The following DPP8 variants were observed in gnomAD, a reference collection of about 807,000 sequenced individuals.
DPP8 encodes the protein DPP VIII.
DPP8 carries 31 observed loss-of-function variants against 107.5 expected under a neutral mutation model. That is an observed-to-expected ratio of 0.29 (90% CI 0.22 to 0.39). The LOEUF is 0.39. Among genes scored for constraint, DPP8 ranks in the 10% least tolerant of loss-of-function variants. DPP8 has a pLI of 1.00. For missense variants in DPP8, 842 were observed against 1,076.1 expected, an observed-to-expected ratio of 0.78 and a Z score of 3.04; for synonymous variants, 381 against 356.6, an observed-to-expected ratio of 1.07 and a Z score of -0.77.
chr15:65,517,447 C>G (rs1464502174), intron 1 of DPP8, 39 bp downstream of exon 1: 1 of 152,578 alleles, frequency 6.6e-6, no homozygotes, highest in African/African-American at 2.4e-5. Flanking sequence ...GCCCAGGCCT[C>G]GCCGGCGCAG....
intron 16 of DPP8, chr15:65,455,905 G>C: frequency 8.4e-7 from 1 of 1,192,852 alleles, no homozygotes; most frequent in Admixed American, 2.4e-5. Flanking sequence ...TCTTCACAGA[G>C]GACAGAACAA....
chr15:65,515,169 A>T (rs2092636243), intron 1 of DPP8, among the ~76,000 whole-genome samples: 1 of 152,070 alleles, frequency 6.6e-6, no homozygotes, highest in Non-Finnish European at 1.5e-5. Flanking sequence ...TTTTGTAGAG[A>T]TGGGGGTCTC....
intron 4 of DPP8, 33 bp from the exon 5 acceptor site, chr15:65,498,065 T>C (rs1487738368): frequency 2.0e-6 from 3 of 1,506,794 alleles, no homozygotes; most frequent in Non-Finnish European, 2.7e-6. Context: ...AAGGTAAGTA[T>C]TAGGCTGACA....
intron 17 of DPP8, among the ~76,000 whole-genome samples, chr15:65,452,924 A>G (rs895384184): frequency 2.0e-5 from 3 of 151,904 alleles, no homozygotes; most frequent in Non-Finnish European, 4.4e-5. Context: ...GTGAGCCGAG[A>G]TCGCACACTG....
At position 65,476,341 on chromosome 15, in the gene DPP8, CAT is replaced by C. The variant is rs748645521; in HGVS notation, c.1457-2055_1457-2054del. On this transcript the variant is annotated intron_variant, in intron 11 of 19. Transcript: ENST00000300141. ...AAAATAAAATTTAATTTTTTTAAAA[CAT>C]AAAATTATATGTTAACATATAGATA... Among the ~76,000 whole-genome samples, 293 of 151,868 alleles carry C rather than the reference CAT, an allele frequency of 1.9e-3. 3 individuals carry two copies. The highest frequency in any genetic ancestry group is 3.5e-4 in the Non-Finnish European group (24 of 67,936).
chr15:65,478,524 T>C (rs2066612076), intron 11 of DPP8, among the ~76,000 whole-genome samples: 1 of 152,236 alleles, frequency 6.6e-6, no homozygotes, highest in Admixed American at 6.5e-5. Flanking sequence ...CCTCCCAAAG[T>C]GCTGGGATTA....
At chr15:65,468,152 GCTTT>G (rs1242463880) in intron 12 of DPP8, among the ~76,000 whole-genome samples, 8 of 151,994 alleles carry the variant, frequency 5.3e-5, no homozygotes, top group Non-Finnish European at 8.8e-5. Flanking sequence ...CAAATAAATG[GCTTT>G]CTTTTATTGT....
intron 2 of DPP8, among the ~76,000 whole-genome samples, chr15:65,507,674 A>G (rs996794063): frequency 6.6e-6 from 1 of 151,900 alleles, no homozygotes; most frequent in African/African-American, 2.4e-5. Flanking sequence ...AAAAAAAAAA[A>G]AAGAAATCTG....
Position 65,468,475 on chromosome 15 carries a change from C to T in DPP8, c.1537-1252G>A, listed in dbSNP as rs550836560. 5.5e-5 allele frequency among the ~76,000 whole-genome samples: 8 copies of T among 146,508 alleles called. No homozygotes were observed. The East Asian group carries it at 1.6e-3, about 29-fold the overall frequency. ...TGCCAATGCATTCCAGCCTGGGCAA[C>T]AGAGCAAGACCCTTATCTCAAAAAA... On this transcript the variant is annotated intron_variant, in intron 12 of 19. Transcript: ENST00000300141.
intron 10 of DPP8, among the ~76,000 whole-genome samples, chr15:65,479,964 G>A (rs2066763192): frequency 6.6e-6 from 1 of 151,542 alleles, no homozygotes; most frequent in African/African-American, 2.4e-5. Flanking sequence ...GAGCACTGAT[G>A]AGGCTGTATA....
intron 7 of DPP8, among the ~76,000 whole-genome samples, chr15:65,486,643 C>G (rs900363528): frequency 2.7e-5 from 4 of 147,636 alleles, no homozygotes; most frequent in African/African-American, 1.0e-4. Context: ...AATTCAACAA[C>G]TATTCAACCA....
In DPP8 at chr15:65,500,640, T is replaced by C. The variant is rs761096649; in HGVS notation, c.512A>G (p.Tyr171Cys). ...TTGTGGCCCTCCATCTTTTACGTGA[T>C]AAATTCCACTACCGGCTTGAAACAG... Reference protein sequence around the residue: ...TFLFQAGSGIYHVKDGGPQGF... With the variant: ...TFLFQAGSGICHVKDGGPQGF... Residue 171 changes from tyrosine (Y) to cysteine (C), a missense_variant, in exon 4 of 20, where the codon TAT (tyrosine) becomes TGT (cysteine). This residue lies in a region of DPP8 where 663 missense variants were observed against 758.0 expected (regional missense o/e 0.87). Coordinates refer to ENST00000300141, the MANE Select transcript of DPP8 (RefSeq NM_130434.5). 6.2e-7 allele frequency: 1 copy of C among 1,614,114 alleles called. No individual in the cohort carries two copies. The highest frequency in any genetic ancestry group is 1.7e-5 in the Admixed American group (1 of 59,994).
At chr15:65,505,643 T>C (rs1170425685) in intron 3 of DPP8, among the ~76,000 whole-genome samples, 2 of 151,986 alleles carry the variant, frequency 1.3e-5, no homozygotes, top group African/African-American at 2.4e-5. Context: ...TCATGACAAA[T>C]AGTTGGAGTG....
rs917765471 is a variant in DPP8, at chr15:65,487,739, G to A, written c.906C>T (p.Ser302=). 1 of 1,606,854 alleles carries A rather than the reference G, an allele frequency of 6.2e-7. No homozygotes were observed. The highest frequency in any genetic ancestry group is 8.5e-7 in the Non-Finnish European group (1 of 1,174,872). The stretch of plus-strand genomic sequence containing the variant: ...CTGCCCTCCTTGTTTCCAACATAGG[G>A]GATGTAACATGAATAATTTCCACCT... ...ESEVEIIHVT[S]PMLETRRADS... Residue 302 remains serine, a synonymous_variant, in exon 7 of 20, where the codon TCC becomes TCT. Coordinates refer to ENST00000300141, the MANE Select transcript of DPP8 (RefSeq NM_130434.5).
rs753297939 is a variant in DPP8, at chr15:65,478,921, T to C, written c.1415A>G (p.Glu472Gly). 3.1e-6 allele frequency: 5 copies of C among 1,589,420 alleles called. No individual in the cohort carries two copies. The South Asian group carries it at 5.9e-5, about 19-fold the overall frequency. ...ACCACTGGATCGTTTATATTTGCTTTCCTTTAAAATAGATGTAATTTTGTA... is the reference window on the plus strand; with the variant it reads ...ACCACTGGATCGTTTATATTTGCTTCCCTTTAAAATAGATGTAATTTTGTA... ...HLYKITSILK[E>G]SKYKRSSGGL... is the part of the protein sequence containing the mutation. Residue 472 changes from glutamate to glycine, a missense_variant, in exon 11 of 20, where the codon GAA (glutamate) becomes GGA (glycine). By Grantham distance (98) the Glu-to-Gly change is moderately conservative. Transcript: ENST00000300141.
chr15:65,465,163 TTTTC>T (rs1186922277), intron 14 of DPP8, among the ~76,000 whole-genome samples: 5 of 149,494 alleles, frequency 3.3e-5, no homozygotes, highest in Non-Finnish European at 5.9e-5. Flanking sequence ...CTAATTTGTT[TTTTC>T]TTTTTTTTTT....
At chr15:65,503,438 CTTTCT>C (rs985731048) in intron 3 of DPP8, among the ~76,000 whole-genome samples, 3 of 150,508 alleles carry the variant, frequency 2.0e-5, no homozygotes, top group African/African-American at 4.9e-5. Context: ...TTACTTTTTT[CTTTCT>C]TTTCTTTTTT....
At chr15:65,466,854 T>C (rs777971217) in intron 13 of DPP8, 41 bp from the exon 14 acceptor site, 21 of 1,592,020 alleles carry the variant, frequency 1.3e-5, no homozygotes, top group East Asian at 2.2e-5. Flanking sequence ...GTCAGGAAGG[T>C]AGAAAAGGTT....
At chr15:65,477,395 C>A (rs1211908553) in intron 11 of DPP8, among the ~76,000 whole-genome samples, 6 of 150,678 alleles carry the variant, frequency 4.0e-5, no homozygotes, top group Non-Finnish European at 7.4e-5. Context: ...GACTCCGTCT[C>A]AAAAAAATAA....
Sources: gnomAD v4.1 joint callset for allele counts (sites outside exome capture counted in the v4.1 genomes callset) on GRCh38, gnomAD v4.1.1 for gene constraint, gnomAD v4.1.1 regional missense constraint, MANE v1.5 for transcripts, NCBI Gene and HGNC (gene_info 2026-07-23, HGNC 2026-07-21) for gene names.